The following SLC30A2 variants were observed in gnomAD, a reference collection of about 807,000 sequenced individuals.
SLC30A2 encodes the protein proton-coupled zinc antiporter SLC30A2.
SLC30A2 carries 19 observed loss-of-function variants against 39.6 expected under a neutral mutation model. The observed-to-expected ratio is 0.48, with a 90% CI of 0.34 to 0.70. The LOEUF (loss-of-function observed/expected upper bound fraction) is 0.70, where lower values mean the gene tolerates loss of function less well. Ranked by LOEUF, SLC30A2 falls within the 30% of genes least tolerant of loss-of-function variation. The pLI, the probability that SLC30A2 is intolerant of heterozygous loss-of-function variation, is 0.01. For missense variants in SLC30A2, 387 were observed against 479.4 expected, an observed-to-expected ratio of 0.81 and a Z score of 1.80; for synonymous variants, 195 against 194.8, an observed-to-expected ratio of 1.00 and a Z score of -0.01.
rs2050356551 is a variant in SLC30A2, at chr1:26,037,864, C to A, written c.*1296G>T. 1 of 152,158 alleles carries A rather than the reference C, an allele frequency of 6.6e-6. No individual in the cohort carries two copies. Among genetic ancestry groups the A allele is most frequent in the Non-Finnish European group, 1.5e-5 (1 of 68,020 alleles). 9.4% of individuals were successfully genotyped at this position (152,158 alleles called of 1,614,324 possible). On this transcript the variant is annotated 3_prime_UTR_variant, in exon 8 of 8. Coordinates refer to ENST00000374276, the MANE Select transcript of SLC30A2 (RefSeq NM_001004434.3). ...TAAAGTGGGAGGCAAGTGACCAAAC[C>A]CACCTCCTCCCACCTTGGGCCAGAA...
intron 3 of SLC30A2, 110 bp from the exon 4 acceptor site, chr1:26,043,661 C>G: frequency 9.0e-7 from 1 of 1,107,590 alleles, no homozygotes; most frequent in East Asian, 2.6e-5. Context: ...AAGTCAGGGC[C>G]TGGGTCCCAC....
At chr1:26,041,630 A>G in intron 6 of SLC30A2, 70 bp downstream of exon 6, 1 of 918,204 alleles carries the variant, frequency 1.1e-6, no homozygotes. Context: ...CCAGACACAC[A>G]CATACCCTAT....
intron 3 of SLC30A2, among the ~76,000 whole-genome samples, chr1:26,043,824 C>T (rs191604612): frequency 6.1e-4 from 93 of 152,274 alleles, no homozygotes; most frequent in Admixed American, 1.1e-3. Flanking sequence ...AAAGTATGTG[C>T]CTTTTGTTCA....
At position 26,041,798 on chromosome 1, in the gene SLC30A2, T is replaced by C; in HGVS notation, c.740A>G (p.Tyr247Cys). The C allele has an allele frequency of 6.2e-7, 1 of 1,607,988 alleles. No individual in the cohort carries two copies. Among genetic ancestry groups the C allele is most frequent in the Non-Finnish European group, 8.5e-7 (1 of 1,174,556 alleles). Residue 247 changes from tyrosine (Y) to cysteine (C), a missense_variant, in exon 6 of 8, where the codon TAC (tyrosine) becomes TGC (cysteine). Tyr to Cys is a radical substitution (Grantham distance 194, BLOSUM62 -2). Coordinates refer to ENST00000374276, the MANE Select transcript of SLC30A2 (RefSeq NM_001004434.3). ...AAYILYFKPE[Y>C]KYVDPICTFV... is the part of the protein sequence containing the mutation. ...GGTGCAGATGGGGTCTACATACTTGTATTCTGGCTGCAGGAAGACAGGAAG... is the reference window on the plus strand; with the variant it reads ...GGTGCAGATGGGGTCTACATACTTGCATTCTGGCTGCAGGAAGACAGGAAG...
Position 26,039,296 on chromosome 1 carries a change from G to C in SLC30A2, c.983C>G (p.Thr328Arg). 2 of 1,613,676 alleles carry C rather than the reference G, an allele frequency of 1.2e-6. No homozygotes were observed. The highest frequency in any genetic ancestry group is 1.1e-5 in the South Asian group (1 of 91,050). ...LSVHIAIAQN[T>R]DAQAVLKTAS... The stretch of plus-strand genomic sequence containing the variant: ...TGTCTTCAGCACAGCCTGGGCGTCT[G>C]TATTCTGAGCTGGGGGCCGAGAGGA... The change falls in exon 8 of 8, where the codon ACA becomes AGA. Residue 328 changes from threonine (T) to arginine (R), a missense_variant. Thr to Arg is a moderately conservative substitution (Grantham distance 71). Transcript: ENST00000374276. The surrounding 1 kb of genome is among the most constrained non-coding windows in gnomAD (Gnocchi z 4.3).
rs1293502900 is a variant in SLC30A2, at chr1:26,039,136, C to T, written c.*24G>A. ...AGCCACCTGCAGGTCCTGTTCATGC[C>T]CCAGTTGGTGCCTGGCTGAGCAGTC... is the stretch of plus-strand genomic sequence containing the variant. On this transcript the variant is annotated 3_prime_UTR_variant, in exon 8 of 8. Transcript: ENST00000374276. The surrounding 1 kb of genome is among the most constrained non-coding windows in gnomAD (Gnocchi z 4.3). 3 of 1,609,482 alleles carry T rather than the reference C, an allele frequency of 1.9e-6. No individual in the cohort carries two copies. In the Admixed American group the frequency reaches 5.0e-5, roughly 27 times the overall value.
chr1:26,044,873 T>A, intron 2 of SLC30A2, 124 bp downstream of exon 2: 1 of 766,598 alleles, frequency 1.3e-6, no homozygotes. Context: ...CTGCATCAGA[T>A]AATGTGTATA....
chr1:26,038,965 C>T lies in SLC30A2; in HGVS notation c.*195G>A, dbSNP rs183154780. ...AGCAGGGTCACACTAGCTTTATACCCGCTGAGTCCCCACCCTGGCTGTAGT... is the reference window on the plus strand; with the variant it reads ...AGCAGGGTCACACTAGCTTTATACCTGCTGAGTCCCCACCCTGGCTGTAGT... On this transcript the variant is annotated 3_prime_UTR_variant, in exon 8 of 8. Coordinates refer to ENST00000374276, the MANE Select transcript of SLC30A2 (RefSeq NM_001004434.3). 4.6e-5 allele frequency: 63 copies of T among 1,363,346 alleles called. No homozygotes were observed. The Admixed American group carries it at 9.6e-4, about 21-fold the overall frequency. 84.5% of individuals were successfully genotyped at this position (1,363,346 alleles called of 1,614,324 possible). A position where few individuals can be genotyped will look rare whatever the true frequency, so the allele number is the denominator to read the frequency against.
At position 26,042,573 on chromosome 1, in the gene SLC30A2, C is replaced by T. The variant is rs141247216; in HGVS notation, c.708G>A (p.Val236=). The T allele has an allele frequency of 1.3e-5, 21 of 1,613,960 alleles. No homozygotes were observed. The African/African-American group carries it at 2.7e-4, about 21-fold the overall frequency. Residue 236 remains valine (V), a synonymous_variant, in exon 5 of 8, where the codon GTG becomes GTA. Coordinates refer to ENST00000374276, the MANE Select transcript of SLC30A2 (RefSeq NM_001004434.3). ...GDFMQSMGVL[V]AAYILYFKPE... ...CCTTGAAGTATAAAATATAGGCTGC[C>T]ACTAGGACACCCATGCTCTGCATAA...
At position 26,039,304 on chromosome 1, in the gene SLC30A2, A is replaced by G. The variant is rs781005788; in HGVS notation, c.975T>C (p.Ala325=). 6.2e-7 allele frequency: 1 copy of G among 1,612,722 alleles called. No individual in the cohort carries two copies. Among genetic ancestry groups the G allele is most frequent in the Admixed American group, 1.7e-5 (1 of 59,988 alleles). ...QPVLSVHIAI[A]QNTDAQAVLK... ...GCACAGCCTGGGCGTCTGTATTCTG[A>G]GCTGGGGGCCGAGAGGACACAGCGG... Residue 325 remains alanine (A), a splice_region_variant and synonymous_variant, in exon 8 of 8, where the codon GCT becomes GCC. Transcript: ENST00000374276. The surrounding 1 kb of genome is among the most constrained non-coding windows in gnomAD (Gnocchi z 4.3).
intron 3 of SLC30A2, 48 bp from the exon 4 acceptor site, chr1:26,043,599 C>T (rs1280786663): frequency 1.3e-6 from 2 of 1,579,670 alleles, no homozygotes; most frequent in Non-Finnish European, 1.7e-6. Flanking sequence ...GGGCCTGGAG[C>T]TAAGGAGTCT....
intron 6 of SLC30A2, among the ~76,000 whole-genome samples, chr1:26,040,707 C>G (rs2050386059): frequency 6.6e-6 from 1 of 152,150 alleles, no homozygotes; most frequent in Admixed American, 6.5e-5. Context: ...CTGCTAAGCC[C>G]AGGCCAGCAT....
chr1:26,045,160 A>G lies in SLC30A2; in HGVS notation c.108T>C (p.Pro36=), dbSNP rs2124426941. Residue 36 remains proline, a synonymous_variant, in exon 2 of 8, where the codon CCT becomes CCC. Transcript: ENST00000374276. ...EGAGWIPLPR[P]GLDLQAIELA... ...GCTCAATGGCCTGCAAGTCCAGGCC[A>G]GGTCGGGGCAGAGGAATCCAGCCAG... 1.2e-6 allele frequency: 2 copies of G among 1,613,382 alleles called. No individual in the cohort carries two copies. Among genetic ancestry groups the G allele is most frequent in the Admixed American group, 1.7e-5 (1 of 60,026 alleles).
At chr1:26,040,609 C>T (rs1035051804) in intron 6 of SLC30A2, among the ~76,000 whole-genome samples, 3 of 152,288 alleles carry the variant, frequency 2.0e-5, no homozygotes, top group East Asian at 1.9e-4. Flanking sequence ...CTTGGACCCA[C>T]CCAGGGCACG....
rs533775635 is a variant in SLC30A2, at chr1:26,045,792, G to T, written c.50+55C>A. On this transcript the variant is annotated intron_variant, in intron 1 of 7. Coordinates refer to ENST00000374276, the MANE Select transcript of SLC30A2 (RefSeq NM_001004434.3). Reference sequence around the variant, plus strand: ...CAACCACTGCTAGGATGGCAAATGCGGAGGTGCGTCGGCTGCCGCCAAAAT... The same window carrying T: ...CAACCACTGCTAGGATGGCAAATGCTGAGGTGCGTCGGCTGCCGCCAAAAT... 2.5e-6 allele frequency: 4 copies of T among 1,613,080 alleles called. No homozygotes were observed. In the African/African-American group the frequency reaches 5.3e-5, roughly 21 times the overall value.
At chr1:26,045,257 T>C in intron 1 of SLC30A2, 40 bp from the exon 2 acceptor site, 1 of 1,553,330 alleles carries the variant, frequency 6.4e-7, no homozygotes, top group Non-Finnish European at 8.8e-7. Flanking sequence ...AGCTCTGAGA[T>C]GAGGTAAGGA....
chr1:26,041,877 C>G, intron 5 of SLC30A2, 72 bp from the exon 6 acceptor site: 5 of 924,304 alleles, frequency 5.4e-6, no homozygotes, highest in Non-Finnish European at 8.7e-6. Context: ...CCCTCCCACC[C>G]AGCACTGCTG....
At chr1:26,041,013 C>T (rs1258011009) in intron 6 of SLC30A2, among the ~76,000 whole-genome samples, 1 of 151,830 alleles carries the variant, frequency 6.6e-6, no homozygotes, top group East Asian at 1.9e-4. Context: ...AGGAGGATTA[C>T]TTGAGCCTAG....
At chr1:26,042,770 G>A (rs2050413228) in intron 4 of SLC30A2, 62 bp from the exon 5 acceptor site, 1 of 1,499,608 alleles carries the variant, frequency 6.7e-7, no homozygotes, top group African/African-American at 1.4e-5. Flanking sequence ...CACCTATTAG[G>A]ACTAGCCAAC....
Sources: gnomAD v4.1 joint callset for allele counts (sites outside exome capture counted in the v4.1 genomes callset) on GRCh38, gnomAD v4.1.1 for gene constraint, Gnocchi (gnomAD v3.1) non-coding constraint, MANE v1.5 for transcripts, NCBI Gene and HGNC (gene_info 2026-07-23, HGNC 2026-07-21) for gene names.